Variants in PLAA observed in about 807,000 individuals in gnomAD.
PLAA encodes phospholipase A-2-activating protein.
A neutral mutation model predicts 84.1 loss-of-function variants in PLAA; 48 were observed. The observed-to-expected ratio is 0.57, with a 90% CI of 0.45 to 0.73. PLAA has a LOEUF of 0.73. PLAA is among the 30% of genes least tolerant of loss of function. The probability of loss-of-function intolerance (pLI) is 0.00; values close to 1 mark genes in which losing one functional copy is unlikely to be tolerated. For missense variants in PLAA, 903 were observed against 954.7 expected (o/e 0.95, Z 0.71); for synonymous variants, 392 against 336.6 (o/e 1.16, Z -1.80).
At chr9:26,942,848 C>G (rs925489271) in intron 1 of PLAA, among the ~76,000 whole-genome samples, 6 of 135,648 alleles carry the variant, frequency 4.4e-5, no homozygotes, top group African/African-American at 8.5e-5. Flanking sequence ...CACTGCACTC[C>G]GGCCTGGGCG....
At chr9:26,914,001 C>A in intron 10 of PLAA, 54 bp from the exon 11 acceptor site, 5 of 1,232,776 alleles carry the variant, frequency 4.1e-6, no homozygotes, top group South Asian at 1.2e-5. Flanking sequence ...TTATAAAGTT[C>A]AAACTGCTCC....
intron 1 of PLAA, among the ~76,000 whole-genome samples, chr9:26,942,005 C>T (rs1242223600): frequency 6.6e-6 from 1 of 152,082 alleles, no homozygotes; most frequent in Non-Finnish European, 1.5e-5. Flanking sequence ...TGGCTTCAGA[C>T]TTCTCAACAG....
intron 7 of PLAA, 140 bp from the exon 8 acceptor site, chr9:26,920,524 A>G (rs1159768396): frequency 7.3e-6 from 4 of 550,368 alleles, no homozygotes; most frequent in African/African-American, 1.9e-5. Flanking sequence ...ATCAAATAAA[A>G]GATTTAAAAA....
chr9:26,912,662 A>G (rs1379613288), intron 11 of PLAA, among the ~76,000 whole-genome samples: 2 of 152,200 alleles, frequency 1.3e-5, no homozygotes, highest in Non-Finnish European at 2.9e-5. Flanking sequence ...CTAAGCATTA[A>G]TTTGGTAAAA....
chr9:26,943,029 C>A (rs1234506320), intron 1 of PLAA, among the ~76,000 whole-genome samples: 1 of 151,882 alleles, frequency 6.6e-6, no homozygotes, highest in African/African-American at 2.4e-5. Flanking sequence ...ATAATCAGAT[C>A]CTATATCTGA....
At chr9:26,916,979 G>T in intron 10 of PLAA, 118 bp downstream of exon 10, 1 of 842,694 alleles carries the variant, frequency 1.2e-6, no homozygotes. Flanking sequence ...ATCAAAATTG[G>T]AAATGCAGAT....
chr9:26,910,220 T>G, intron 12 of PLAA, 118 bp downstream of exon 12: 1 of 658,280 alleles, frequency 1.5e-6, no homozygotes, highest in Non-Finnish European at 2.7e-6. Flanking sequence ...AATACTGCAA[T>G]AGAAATATCT....
chr9:26,905,338 C>T lies in PLAA; in HGVS notation c.*173G>A, dbSNP rs1032000220. 6 of 562,458 alleles carry T rather than the reference C, an allele frequency of 1.1e-5. No homozygotes were observed. Among genetic ancestry groups the T allele is most frequent in the East Asian group, 2.9e-5 (1 of 34,306 alleles). 34.8% of individuals were successfully genotyped at this position (562,458 alleles called of 1,614,324 possible). On this transcript the variant is annotated 3_prime_UTR_variant, in exon 14 of 14. Transcript: ENST00000397292. ...ACCCAAATTACACAGGAAAATCTCA[C>T]AGTTCAGCAGTGCAAAAATTTTATT...
intron 1 of PLAA, among the ~76,000 whole-genome samples, chr9:26,946,310 T>C (rs778967879): frequency 6.6e-6 from 1 of 151,926 alleles, no homozygotes; most frequent in Non-Finnish European, 1.5e-5. Flanking sequence ...ATAAATCCTT[T>C]GAAGGCAATG....
In PLAA at chr9:26,934,540, C is replaced by T. The variant is rs1421407614; in HGVS notation, c.343+473G>A. Among the ~76,000 whole-genome samples the T allele has an allele frequency of 2.9e-5, 4 of 138,702 alleles. No homozygotes were observed. The South Asian group carries it at 6.9e-4, about 24-fold the overall frequency. The allele number at this position is 138,702 out of a possible 152,430, so 91.0% of individuals were successfully genotyped here. A position where few individuals can be genotyped will look rare whatever the true frequency, so the allele number is the denominator to read the frequency against. ...TGTCACCCAGGCTGGAGTGCAGTGG[C>T]AGGATCTCGGCTCATTGTAACCTCT... On this transcript the variant is annotated intron_variant, in intron 2 of 13. Transcript: ENST00000397292.
intron 2 of PLAA, among the ~76,000 whole-genome samples, chr9:26,930,115 T>A (rs974445845): frequency 2.4e-4 from 36 of 150,762 alleles, no homozygotes; most frequent in African/African-American, 6.8e-4. Context: ...TATTTTTTTT[T>A]TTTTTTTGAG....
intron 2 of PLAA, among the ~76,000 whole-genome samples, chr9:26,931,466 C>T (rs1193095150): frequency 6.6e-6 from 1 of 152,156 alleles, no homozygotes; most frequent in Non-Finnish European, 1.5e-5. Context: ...AGATACAACA[C>T]TTGAACCCAC....
At position 26,946,961 on chromosome 9, in the gene PLAA, A is replaced by AC; in HGVS notation, c.84_85insG (p.Tyr29ValfsTer50). 6.3e-7 allele frequency: 1 copy of AC among 1,590,412 alleles called. No individual in the cohort carries two copies. The highest frequency in any genetic ancestry group is 8.6e-7 in the Non-Finnish European group (1 of 1,168,640). ...ACGGACACAAAGGCTCCCGGCGGAT[A>AC]GGCGCAGCACACCAGGCCCCGTACG... On this transcript the variant is annotated frameshift_variant, in exon 1 of 14. Coordinates refer to ENST00000397292, the MANE Select transcript of PLAA (RefSeq NM_001031689.3). LOFTEE classifies it high-confidence loss of function.
intron 1 of PLAA, among the ~76,000 whole-genome samples, chr9:26,943,469 T>C (rs190295118): frequency 6.6e-6 from 1 of 152,184 alleles, no homozygotes; most frequent in Non-Finnish European, 1.5e-5. Context: ...GCATCAGAGG[T>C]AGACAGACCA....
chr9:26,943,137 G>C (rs1374943656), intron 1 of PLAA, among the ~76,000 whole-genome samples: 16 of 152,124 alleles, frequency 1.1e-4, no homozygotes, highest in Admixed American at 1.0e-3. Context: ...CCACCCAGAA[G>C]TCAACGACAG....
chr9:26,925,944 T>C lies in PLAA; in HGVS notation c.750A>G (p.Ala250=). The stretch of plus-strand genomic sequence containing the variant: ...TCCAGATTCTCAGAGATCTGTCCTC[T>C]GCTGTTGTCACAAAGTCTAAAATTA... ...FPNCRDFVTT[A]EDRSLRIWKH... is the part of the protein sequence containing the mutation. Residue 250 remains alanine (A), a synonymous_variant, in exon 6 of 14, where the codon GCA becomes GCG. Transcript: ENST00000397292. The C allele has an allele frequency of 1.2e-6, 2 of 1,613,388 alleles. No homozygotes were observed. The highest frequency in any genetic ancestry group is 1.1e-5 in the South Asian group (1 of 91,072).
At chr9:26,931,954 G>A (rs1351433100) in intron 2 of PLAA, among the ~76,000 whole-genome samples, 1 of 152,284 alleles carries the variant, frequency 6.6e-6, no homozygotes, top group African/African-American at 2.4e-5. Context: ...GGGCGTGGTG[G>A]TGGGCACCTG....
In PLAA at chr9:26,926,507, A is replaced by T. The variant is rs1175292135; in HGVS notation, c.619T>A (p.Ser207Thr). The T allele has an allele frequency of 6.2e-7, 1 of 1,613,652 alleles. No individual in the cohort carries two copies. The highest frequency in any genetic ancestry group is 1.1e-5 in the South Asian group (1 of 91,052). The change falls in exon 5 of 14, where the codon TCC (serine) becomes ACC (threonine). Residue 207 changes from serine to threonine, a missense_variant. Coordinates refer to ENST00000397292, the MANE Select transcript of PLAA (RefSeq NM_001031689.3). Reference protein sequence around the residue: ...LAILSETEFLSCANDASIRRW... With the variant: ...LAILSETEFLTCANDASIRRW... ...CTAATACTAGCATCATTTGCACAGG[A>T]AAGAAATTCTGTTTCACTCAAAATT...
intron 1 of PLAA, among the ~76,000 whole-genome samples, 200 bp downstream of exon 1, chr9:26,946,697 C>T (rs1241350037): frequency 6.6e-6 from 1 of 152,198 alleles, no homozygotes; most frequent in East Asian, 1.9e-4. Flanking sequence ...GTCTTTGGTC[C>T]CCCAACCCTG....
Sources: gnomAD v4.1 joint callset for allele counts (sites outside exome capture counted in the v4.1 genomes callset) on GRCh38, gnomAD v4.1.1 for gene constraint, MANE v1.5 for transcripts, NCBI Gene and HGNC (gene_info 2026-07-23, HGNC 2026-07-21) for gene names.